The following ADAM20 variants were observed in gnomAD, a reference collection of about 807,000 sequenced individuals.
ADAM20 encodes the protein ADAM metallopeptidase domain 20.
For synonymous variants in ADAM20, 305 were observed against 310.2 expected, an observed-to-expected ratio of 0.98 and a Z score of 0.18; for missense variants, 871 against 883.2, an observed-to-expected ratio of 0.99 and a Z score of 0.18.
At chr14:70,564,736 A>ATTT in the ADAM20 span, among the ~76,000 whole-genome samples, 100 of 91,872 alleles carry the variant, frequency 1.1e-3, no homozygotes, top group Admixed American at 1.5e-3. Flanking sequence ...GATAGACGCA[A>ATTT]TTTTTTTTTT....
chr14:70,565,421 C>T, the ADAM20 span, among the ~76,000 whole-genome samples: 1 of 151,928 alleles, frequency 6.6e-6, no homozygotes, highest in Non-Finnish European at 1.5e-5. Flanking sequence ...ATTCATGAAG[C>T]CCAAACAGAA....
At chr14:70,562,008 C>T in the ADAM20 span, among the ~76,000 whole-genome samples, 2 of 152,178 alleles carry the variant, frequency 1.3e-5, no homozygotes, top group African/African-American at 4.8e-5. Context: ...AGAAGAGGGC[C>T]ACCATCCTCC....
chr14:70,524,847 T>C lies in ADAM20; in HGVS notation c.-90A>G, dbSNP rs1436926879. The C allele has an allele frequency of 3.1e-6, 5 of 1,613,052 alleles. No homozygotes were observed. In the Admixed American group the frequency reaches 8.3e-5, roughly 27 times the overall value. ...GGTCTGGCTCCTCCCTCTGAGCTGT[T>C]CAGGGTGCATGGCTGACCTTTAGGG... On this transcript the variant is annotated 5_prime_UTR_variant, in exon 2 of 2. Transcript: ENST00000256389.
chr14:70,570,295 T>C, the ADAM20 span, among the ~76,000 whole-genome samples: 1 of 151,850 alleles, frequency 6.6e-6, no homozygotes, highest in Non-Finnish European at 1.5e-5. Flanking sequence ...GAGAACTAAA[T>C]GAAACTGAGA....
chr14:70,569,885 CAAAAAAAAAAAAA>C, the ADAM20 span, among the ~76,000 whole-genome samples: 3,828 of 76,404 alleles, frequency 0.05, 160 homozygotes, highest in African/African-American at 0.15. Context: ...AGAAAACTAA[CAAAAAAAAAAAAA>C]AAAAAAAAAA....
chr14:70,578,420 G>A, the ADAM20 span, among the ~76,000 whole-genome samples: 1 of 152,064 alleles, frequency 6.6e-6, no homozygotes, highest in Non-Finnish European at 1.5e-5. Flanking sequence ...AACTCTTCTG[G>A]ACATTGGCCT....
At chr14:70,529,792 T>C (rs1468881169) in intron 1 of ADAM20, among the ~76,000 whole-genome samples, 1 of 152,244 alleles carries the variant, frequency 6.6e-6, no homozygotes, top group Non-Finnish European at 1.5e-5. Context: ...GGGACATTAC[T>C]GTACACTACT....
chr14:70,562,848 T>A, the ADAM20 span, among the ~76,000 whole-genome samples: 1 of 152,202 alleles, frequency 6.6e-6, no homozygotes, highest in African/African-American at 2.4e-5. Flanking sequence ...AATTACCCAG[T>A]CTCAGGTAGT....
chr14:70,534,100 AAAAAAAAAC>A (rs1883777238), intron 1 of ADAM20, among the ~76,000 whole-genome samples: 1 of 149,768 alleles, frequency 6.7e-6, no homozygotes, highest in Non-Finnish European at 1.5e-5. Flanking sequence ...AAAAAAAAAA[AAAAAAAAAC>A]ACACACACAC....
In ADAM20 at chr14:70,533,106, G is replaced by A. The variant is rs965561609; in HGVS notation, c.-177+1691C>T. ...ATTAAAAAGTCAGGAAATAACAGAT[G>A]TTAGAGAGGATGTGGAGAAATAGGA... On this transcript the variant is annotated intron_variant, in intron 1 of 1. Coordinates refer to ENST00000256389, the MANE Select transcript of ADAM20 (RefSeq NM_003814.5). 1.1e-4 allele frequency among the ~76,000 whole-genome samples: 17 copies of A among 152,170 alleles called. 1 individual carries two copies. The highest frequency in any genetic ancestry group is 9.2e-4 in the Admixed American group (14 of 15,278).
At position 70,524,434 on chromosome 14, in the gene ADAM20, G is replaced by GTCA. The variant is rs1883537825; in HGVS notation, c.321_323dup (p.Asp108dup). On this transcript the variant is annotated inframe_insertion, in exon 2 of 2. Transcript: ENST00000256389. Reference sequence around the variant, plus strand: ...CCTCCACATAACCATGGTAGTAGCAGTCATCCTGGATGAAGGGCTGATCCT... The same window carrying GTCA: ...CCTCCACATAACCATGGTAGTAGCAGTCATCATCCTGGATGAAGGGCTGATCCT... The GTCA allele has an allele frequency of 6.2e-7, 1 of 1,613,922 alleles. No individual in the cohort carries two copies. The highest frequency in any genetic ancestry group is 1.1e-5 in the South Asian group (1 of 91,086).
chr14:70,563,722 T>C, the ADAM20 span, among the ~76,000 whole-genome samples: 2 of 152,294 alleles, frequency 1.3e-5, no homozygotes, highest in East Asian at 3.9e-4. Context: ...CCCTCCACTC[T>C]ATTTCTTGCT....
chr14:70,560,347 C>T, the ADAM20 span, among the ~76,000 whole-genome samples: 1 of 152,182 alleles, frequency 6.6e-6, no homozygotes, highest in African/African-American at 2.4e-5. Context: ...GGTCCAGGCA[C>T]ATGGCTGAAT....
chr14:70,571,644 G>A, the ADAM20 span, among the ~76,000 whole-genome samples: 1 of 152,136 alleles, frequency 6.6e-6, no homozygotes, highest in South Asian at 2.1e-4. Context: ...GGAGCAATCA[G>A]ACAAGAGAAA....
At chr14:70,546,718 A>C in the ADAM20 span, among the ~76,000 whole-genome samples, 4 of 152,196 alleles carry the variant, frequency 2.6e-5, no homozygotes, top group Non-Finnish European at 5.9e-5. Flanking sequence ...GAAAATCTTC[A>C]AATAAACAAC....
At chr14:70,531,337 T>A (rs58056024) in intron 1 of ADAM20, among the ~76,000 whole-genome samples, 178 of 152,182 alleles carry the variant, frequency 1.2e-3, no homozygotes, top group African/African-American at 4.2e-3. Flanking sequence ...TACTTGACAT[T>A]CTAGGAATAC....
the ADAM20 span, among the ~76,000 whole-genome samples, chr14:70,572,579 A>G: frequency 6.6e-6 from 1 of 152,200 alleles, no homozygotes; most frequent in African/African-American, 2.4e-5. Flanking sequence ...AAATGCAACA[A>G]AAACAAAAAT....
chr14:70,559,815 GGA>G, the ADAM20 span, among the ~76,000 whole-genome samples: 1 of 129,668 alleles, frequency 7.7e-6, no homozygotes, highest in Non-Finnish European at 1.7e-5. Flanking sequence ...AAGGAAAGCA[GGA>G]GAGAGGTAAA....
In ADAM20 at chr14:70,523,090, G is replaced by T; in HGVS notation, c.1668C>A (p.Thr556=). The T allele has an allele frequency of 6.2e-7, 1 of 1,613,810 alleles. No homozygotes were observed. The highest frequency in any genetic ancestry group is 8.5e-7 in the Non-Finnish European group (1 of 1,179,920). ...GAACCCTCCCACACATGATATCAGGGGTCCAACATTTTACATATGTTGTGC... is the reference window on the plus strand; with the variant it reads ...GAACCCTCCCACACATGATATCAGGTGTCCAACATTTTACATATGTTGTGC... The part of the protein sequence containing the change: ...IVGTTYVKCW[T]PDIMCGRVQC... Residue 556 remains threonine, a synonymous_variant, in exon 2 of 2, where the codon ACC becomes ACA. Coordinates refer to ENST00000256389, the MANE Select transcript of ADAM20 (RefSeq NM_003814.5).
Sources: allele counts gnomAD v4.1 joint callset (sites outside exome capture counted in the v4.1 genomes callset), GRCh38; gene constraint gnomAD v4.1.1; transcripts MANE v1.5; gene names NCBI Gene and HGNC (gene_info 2026-07-23, HGNC 2026-07-21).